APTX: variants seen among roughly 807,000 people sequenced by gnomAD.
The protein encoded by APTX is aprataxin, also known as forkhead-associated domain histidine triad-like protein.
Under a neutral mutation model 42.3 loss-of-function variants are expected in APTX, and 33 were observed. The ratio of observed to expected loss-of-function variants is 0.78; its 90% CI spans 0.59 to 1.04. The LOEUF is 1.04. Ranked by LOEUF, APTX falls within the 50% of genes least tolerant of loss-of-function variation. The pLI, the probability that APTX is intolerant of heterozygous loss-of-function variation, is 0.00. For missense variants in APTX, 421 were observed against 415.1 expected (o/e 1.01, Z -0.12); for synonymous variants, 130 against 146.7 (o/e 0.89, Z 0.82).
intron 1 of APTX, among the ~76,000 whole-genome samples, chr9:33,014,599 G>A (rs975635514): frequency 4.6e-5 from 7 of 152,192 alleles, no homozygotes; most frequent in Non-Finnish European, 1.0e-4. Context: ...CAGGGGAGCC[G>A]CCCTAAAGGG....
At chr9:32,982,565 TC>T (rs1830927095) in intron 6 of APTX, among the ~76,000 whole-genome samples, 1 of 152,222 alleles carries the variant, frequency 6.6e-6, no homozygotes, top group African/African-American at 2.4e-5. Flanking sequence ...CCTTTTCCTT[TC>T]TAATATGTTC....
chr9:33,016,524 G>C (rs1288195634), intron 1 of APTX, among the ~76,000 whole-genome samples: 1 of 152,008 alleles, frequency 6.6e-6, no homozygotes, highest in African/African-American at 2.4e-5. Flanking sequence ...AAAAAATAAA[G>C]GAAAGAAAAA....
At chr9:32,981,901 A>T (rs1830758360) in intron 6 of APTX, among the ~76,000 whole-genome samples, 1 of 152,174 alleles carries the variant, frequency 6.6e-6, no homozygotes, top group Non-Finnish European at 1.5e-5. Flanking sequence ...ATTACAGGCA[A>T]GATGCACCAA....
intron 6 of APTX, among the ~76,000 whole-genome samples, chr9:32,981,994 TA>T (rs542450072): frequency 1.6e-3 from 222 of 141,570 alleles, no homozygotes; most frequent in Admixed American, 2.0e-3. Context: ...ATTCATGAAT[TA>T]AAAAAAAAAA....
At chr9:32,985,322 G>A (rs1831676722) in intron 5 of APTX, among the ~76,000 whole-genome samples, 1 of 139,470 alleles carries the variant, frequency 7.2e-6, no homozygotes, top group Non-Finnish European at 1.5e-5. Context: ...CAAGGATGAT[G>A]CCTGTTTTTT....
rs1346663987 is a variant in APTX, at chr9:32,987,636, C to T, written c.391G>A (p.Glu131Lys). Reference sequence around the variant, plus strand: ...TCCAGCCCTGTCCCAGCCTCAGCTTCCTGAGCAGCATCCCTTTCTATAGAA... The same window carrying T: ...TCCAGCCCTGTCCCAGCCTCAGCTTTCTGAGCAGCATCCCTTTCTATAGAA... ...SDSIERDAAQ[E>K]AEAGTGLEPG... Residue 131 changes from glutamate to lysine, a missense_variant, in exon 4 of 8, where the codon GAA (glutamate) becomes AAA (lysine). Physicochemically the swap from Glu to Lys is moderately conservative, Grantham distance 56. Coordinates refer to ENST00000379817, the MANE Select transcript of APTX (RefSeq NM_001195248.2). The T allele has an allele frequency of 4.3e-6, 7 of 1,614,090 alleles. No homozygotes were observed. The highest frequency in any genetic ancestry group is 2.2e-5 in the East Asian group (1 of 44,894).
chr9:33,015,989 A>T (rs1165133391), intron 1 of APTX: 2 of 152,266 alleles, frequency 1.3e-5, no homozygotes, highest in Admixed American at 1.3e-4. Flanking sequence ...TGAAGAATTA[A>T]AATAATTATC....
Position 32,998,505 on chromosome 9 carries a change from T to C in APTX, c.-5+3062A>G, listed in dbSNP as rs766437411. On this transcript the variant is annotated intron_variant, in intron 1 of 7. Coordinates refer to ENST00000379817, the MANE Select transcript of APTX (RefSeq NM_001195248.2). Reference sequence around the variant, plus strand: ...TCAATGATAGACTGGATAAAGAAAATGTGGCACATATATACCATGGAATAT... The same window carrying C: ...TCAATGATAGACTGGATAAAGAAAACGTGGCACATATATACCATGGAATAT... 8.2e-4 allele frequency among the ~76,000 whole-genome samples: 124 copies of C among 152,034 alleles called. 2 individuals carry two copies. The highest frequency in any genetic ancestry group is 3.7e-4 in the Non-Finnish European group (25 of 67,992).
chr9:33,017,579 G>A (rs984433158), intron 1 of APTX, among the ~76,000 whole-genome samples: 6 of 152,254 alleles, frequency 3.9e-5, no homozygotes, highest in Middle Eastern at 6.8e-3. Context: ...ATTCTGATAG[G>A]ACACAAACAT....
chr9:32,993,201 A>G lies in APTX; in HGVS notation c.-4-3306T>C, dbSNP rs188157596. On this transcript the variant is annotated intron_variant, in intron 1 of 7. Transcript: ENST00000379817. ...TGCCCTCCATCAATACAGATACTTT[A>G]TTCCCCCAAAGTTCTCAAGTTATGG... Among the ~76,000 whole-genome samples the G allele has an allele frequency of 3.3e-5, 5 of 152,324 alleles. No homozygotes were observed. The East Asian group carries it at 7.7e-4, about 23-fold the overall frequency.
intron 2 of APTX, among the ~76,000 whole-genome samples, chr9:32,988,685 GGAA>G (rs869110646): frequency 0.099 from 5,961 of 60,274 alleles, 244 homozygotes; most frequent in Non-Finnish European, 0.14. Context: ...TATCTCAGGA[GGAA>G]AAAAAAAAAA....
intron 1 of APTX, chr9:33,019,723 A>T: frequency 1.9e-6 from 1 of 527,456 alleles, no homozygotes; most frequent in Non-Finnish European, 3.3e-6. Context: ...CTGGGGGCCC[A>T]AAGTGCTGCA....
chr9:32,988,934 C>T (rs1832874274), intron 2 of APTX, among the ~76,000 whole-genome samples: 1 of 152,074 alleles, frequency 6.6e-6, no homozygotes, highest in South Asian at 2.1e-4. Flanking sequence ...GAAGTGGTAA[C>T]ATTAAGCATT....
intron 1 of APTX, among the ~76,000 whole-genome samples, chr9:32,995,516 C>T (rs1834629248): frequency 6.6e-6 from 1 of 152,120 alleles, no homozygotes; most frequent in Non-Finnish European, 1.5e-5. Flanking sequence ...TGAGGAGTTG[C>T]TTCTTATGGA....
At chr9:33,019,816 G>A (rs1410850508) in intron 1 of APTX, 2 of 638,080 alleles carry the variant, frequency 3.1e-6, no homozygotes, top group African/African-American at 1.9e-5. Context: ...CTTTCCAGCG[G>A]ACGGCCAGGA....
intron 1 of APTX, among the ~76,000 whole-genome samples, chr9:32,993,716 T>C (rs1028285224): frequency 2.7e-5 from 4 of 149,778 alleles, no homozygotes; most frequent in Non-Finnish European, 5.9e-5. Flanking sequence ...TTCACCTCTA[T>C]ATCTTTTTTT....
chr9:32,986,035 AAAAAAAAC>A lies in APTX; in HGVS notation c.484-13_484-6del. 1.2e-6 allele frequency: 1 copy of A among 840,944 alleles called. No homozygotes were observed. The highest frequency in any genetic ancestry group is 1.6e-6 in the Non-Finnish European group (1 of 606,922). The allele number at this position is 840,944 out of a possible 1,614,324, so 52.1% of individuals were successfully genotyped here. A position where few individuals can be genotyped will look rare whatever the true frequency, so the allele number is the denominator to read the frequency against. On this transcript the variant is annotated splice_polypyrimidine_tract_variant and splice_region_variant and intron_variant, in intron 4 of 7. Coordinates refer to ENST00000379817, the MANE Select transcript of APTX (RefSeq NM_001195248.2). Reference sequence around the variant, plus strand: ...ACTCCAGTGGCCCAGGGATTCCTAAAAAAAAAACAAAAAAAAAAACAAAAAAAAAAAAA... The same window carrying A: ...ACTCCAGTGGCCCAGGGATTCCTAAAAAAAAAAAAAACAAAAAAAAAAAAA...
At chr9:32,998,714 G>C (rs10971282) in intron 1 of APTX, among the ~76,000 whole-genome samples, 50,390 of 151,574 alleles carry the variant, frequency 0.33, 8,638 homozygotes, top group Non-Finnish European at 0.37. Context: ...ACACTGGGGC[G>C]TGTCAGGGGG....
At chr9:33,016,677 C>G (rs1022679863) in intron 1 of APTX, among the ~76,000 whole-genome samples, 5 of 151,698 alleles carry the variant, frequency 3.3e-5, no homozygotes, top group Admixed American at 6.6e-5. Context: ...ACTCCCCCCC[C>G]CATTTTTTTA....
Sources: allele counts gnomAD v4.1 joint callset (sites outside exome capture counted in the v4.1 genomes callset), GRCh38; gene constraint gnomAD v4.1.1; transcripts MANE v1.5; gene names NCBI Gene and HGNC (gene_info 2026-07-23, HGNC 2026-07-21).